The following TANK variants were observed in gnomAD, a reference collection of about 807,000 sequenced individuals.
TANK encodes TRAF family member-associated NF-kappa-B activator.
A neutral mutation model predicts 43.6 loss-of-function variants in TANK; 15 were observed. That is an observed-to-expected ratio of 0.34 (90% confidence interval 0.23 to 0.53). TANK has a LOEUF of 0.53. Among genes scored for constraint, TANK ranks in the 20% least tolerant of loss-of-function variants. The pLI is 0.94. For missense variants in TANK, 417 were observed against 498.6 expected (o/e 0.84, Z 1.56); for synonymous variants, 162 against 178.2 (o/e 0.91, Z 0.73).
chr2:161,227,265 T>C (rs1487905828), intron 6 of TANK: 1 of 152,246 alleles, frequency 6.6e-6, no homozygotes, highest in East Asian at 1.9e-4. Flanking sequence ...AGAAAATATC[T>C]GTTTTTTTAG....
At chr2:161,171,117 C>T (rs1370301911) in intron 1 of TANK, among the ~76,000 whole-genome samples, 3 of 152,106 alleles carry the variant, frequency 2.0e-5, no homozygotes, top group African/African-American at 7.2e-5. Flanking sequence ...TCTGAATATT[C>T]ATATTTGAGG....
intron 5 of TANK, 65 bp downstream of exon 5, chr2:161,224,056 GT>G (rs931631416): frequency 6.3e-4 from 702 of 1,113,394 alleles, no homozygotes; most frequent in Non-Finnish European, 8.0e-4. Flanking sequence ...TTTTATATTT[GT>G]TTTTTTTAAG....
At chr2:161,225,518 C>A (rs940099608) in intron 6 of TANK, among the ~76,000 whole-genome samples, 1 of 152,172 alleles carries the variant, frequency 6.6e-6, no homozygotes, top group Non-Finnish European at 1.5e-5. Flanking sequence ...AAACCCCAGA[C>A]TGGCTTCCTG....
intron 2 of TANK, among the ~76,000 whole-genome samples, chr2:161,194,737 A>C (rs1193810590): frequency 6.6e-6 from 1 of 152,194 alleles, no homozygotes; most frequent in East Asian, 1.9e-4. Flanking sequence ...ACATATTTTA[A>C]AGGATTGCAA....
At chr2:161,164,524 A>G (rs184988909) in intron 1 of TANK, among the ~76,000 whole-genome samples, 1 of 152,216 alleles carries the variant, frequency 6.6e-6, no homozygotes, top group Non-Finnish European at 1.5e-5. Context: ...TCAGGAAGGG[A>G]TAACAGAATA....
chr2:161,174,728 A>G lies in TANK; in HGVS notation c.-49-4886A>G, dbSNP rs192266568. On this transcript the variant is annotated intron_variant, in intron 1 of 7. Transcript: ENST00000392749. ...CCACCTCTACTTGCTTTCAGGCATCATGGGGAAAGCTTTAGCGTAATCCGT... is the reference window on the plus strand; with the variant it reads ...CCACCTCTACTTGCTTTCAGGCATCGTGGGGAAAGCTTTAGCGTAATCCGT... 9.1e-4 allele frequency among the ~76,000 whole-genome samples: 139 copies of G among 152,210 alleles called. 1 individual carries two copies. Among genetic ancestry groups the G allele is most frequent in the Non-Finnish European group, 2.1e-4 (14 of 67,990 alleles).
chr2:161,221,937 C>A (rs1559005263), intron 4 of TANK, among the ~76,000 whole-genome samples: 1 of 152,114 alleles, frequency 6.6e-6, no homozygotes, highest in Non-Finnish European at 1.5e-5. Flanking sequence ...AAGGAGTCCT[C>A]CTTTACCTCC....
intron 4 of TANK, chr2:161,207,548 G>T: frequency 1.0e-6 from 1 of 984,008 alleles, no homozygotes; most frequent in Non-Finnish European, 1.2e-6. Context: ...AAAATATATT[G>T]TAAAAGAATG....
intron 6 of TANK, among the ~76,000 whole-genome samples, chr2:161,229,080 G>A: frequency 6.6e-6 from 1 of 152,216 alleles, no homozygotes; most frequent in East Asian, 1.9e-4. Context: ...GCATCCAAGA[G>A]TCATGGGAGA....
intron 1 of TANK, chr2:161,161,387 G>A (rs972245654): frequency 1.3e-6 from 2 of 1,550,682 alleles, no homozygotes; most frequent in Admixed American, 3.9e-5. Context: ...TTCTTACCGC[G>A]GTTGGAATAC....
intron 1 of TANK, among the ~76,000 whole-genome samples, chr2:161,172,248 GT>G (rs1248223119): frequency 6.6e-6 from 1 of 151,652 alleles, no homozygotes; most frequent in Non-Finnish European, 1.5e-5. Flanking sequence ...CTCTTTTTTG[GT>G]TTATATTTGG....
At chr2:161,173,960 A>G (rs894256654) in intron 1 of TANK, among the ~76,000 whole-genome samples, 7 of 152,210 alleles carry the variant, frequency 4.6e-5, no homozygotes, top group African/African-American at 1.7e-4. Flanking sequence ...AAAACTTGTT[A>G]TGGAAGTTAC....
rs570476003 is a variant in TANK at position 161,202,467 on chromosome 2, CTAAT to C, written c.100-1018_100-1015del. Among the ~76,000 whole-genome samples the C allele has an allele frequency of 1.4e-4, 22 of 152,002 alleles. No individual in the cohort carries two copies. The East Asian group carries it at 3.9e-3, about 27-fold the overall frequency. ...GCCTCCCAAGCTTTAATTTCTTAAGCTAATTTATATTTGCTAATCTATGAACAGC... is the reference window on the plus strand; with the variant it reads ...GCCTCCCAAGCTTTAATTTCTTAAGCTTATATTTGCTAATCTATGAACAGC... On this transcript the variant is annotated intron_variant, in intron 2 of 7. Transcript: ENST00000392749.
chr2:161,154,858 C>T (rs1034285814), intron 1 of TANK, among the ~76,000 whole-genome samples: 3 of 151,642 alleles, frequency 2.0e-5, no homozygotes, highest in Non-Finnish European at 4.4e-5. Context: ...GATTCTTGTG[C>T]CTCAGCTTCC....
Position 161,218,260 on chromosome 2 carries a change from A to AT in TANK, c.328-5649dup, listed in dbSNP as rs1033412974. Reference sequence around the variant, plus strand: ...GTAACTGCTTCTCAGTGATAAATATATTTTTTATTGTATGACAGGAAGATT... The same window carrying AT: ...GTAACTGCTTCTCAGTGATAAATATATTTTTTTATTGTATGACAGGAAGATT... On this transcript the variant is annotated intron_variant, in intron 4 of 7. Transcript: ENST00000392749. 2.6e-5 allele frequency among the ~76,000 whole-genome samples: 4 copies of AT among 152,126 alleles called. No homozygotes were observed. The East Asian group carries it at 5.8e-4, about 22-fold the overall frequency.
At chr2:161,165,816 C>T (rs1028404799) in intron 1 of TANK, among the ~76,000 whole-genome samples, 1 of 152,162 alleles carries the variant, frequency 6.6e-6, no homozygotes, top group African/African-American at 2.4e-5. Context: ...AGAGGATACC[C>T]CTTAAAGATT....
intron 1 of TANK, among the ~76,000 whole-genome samples, chr2:161,167,772 G>A (rs555349869): frequency 9.2e-5 from 14 of 151,964 alleles, no homozygotes; most frequent in Non-Finnish European, 1.5e-4. Context: ...ACAAATGCCC[G>A]CCACCACGAC....
intron 1 of TANK, among the ~76,000 whole-genome samples, chr2:161,162,135 A>G (rs1023681134): frequency 2.0e-5 from 3 of 152,154 alleles, no homozygotes; most frequent in Non-Finnish European, 4.4e-5. Context: ...TTAATATAGT[A>G]AATTCTCAAG....
At chr2:161,142,773 CT>C (rs2105213248) in intron 1 of TANK, among the ~76,000 whole-genome samples, 1 of 152,140 alleles carries the variant, frequency 6.6e-6, no homozygotes, top group Admixed American at 6.5e-5. Context: ...CCAGGTTGTT[CT>C]TTTTGCTTAG....
Sources: gnomAD v4.1 joint callset for allele counts (sites outside exome capture counted in the v4.1 genomes callset) on GRCh38, gnomAD v4.1.1 for gene constraint, MANE v1.5 for transcripts, NCBI Gene and HGNC (gene_info 2026-07-23, HGNC 2026-07-21) for gene names.